Variants in SOX5 observed in about 807,000 individuals in gnomAD.
The protein encoded by SOX5 is SRY-box transcription factor 5, also known as transcription factor SOX-5.
In SOX5, 9 loss-of-function variants were observed where a neutral mutation model predicts 92.0. That is an observed-to-expected ratio of 0.10 (90% CI 0.06 to 0.17). SOX5 has a LOEUF of 0.17. Among genes scored for constraint, SOX5 ranks in the 10% least tolerant of loss-of-function variants. The probability of loss-of-function intolerance (pLI) is 1.00; values close to 1 mark genes in which losing one functional copy is unlikely to be tolerated. For missense variants in SOX5, 642 were observed against 944.5 expected, an observed-to-expected ratio of 0.68 and a Z score of 4.20; for synonymous variants, 344 against 336.3, an observed-to-expected ratio of 1.02 and a Z score of -0.25.
chr12:23,587,360 T>C (rs992291023), intron 9 of SOX5, among the ~76,000 whole-genome samples: 5 of 152,250 alleles, frequency 3.3e-5, no homozygotes, highest in African/African-American at 1.2e-4. Flanking sequence ...CTAACAGTCA[T>C]ACCTTAAAGA....
intron 4 of SOX5, among the ~76,000 whole-genome samples, chr12:23,990,742 C>T (rs1421760754): frequency 6.6e-6 from 1 of 152,020 alleles, no homozygotes; most frequent in African/African-American, 2.4e-5. Context: ...CAGACATTGT[C>T]TATTTCTTTA....
At chr12:24,142,816 G>A (rs12313152) in intron 4 of SOX5, among the ~76,000 whole-genome samples, 8 of 150,392 alleles carry the variant, frequency 5.3e-5, no homozygotes, top group Non-Finnish European at 1.0e-4. Flanking sequence ...GCTGAATCCC[G>A]GAAGACAGAG....
At chr12:24,498,859 G>A (rs1015127612) in intron 1 of SOX5, among the ~76,000 whole-genome samples, 4 of 152,136 alleles carry the variant, frequency 2.6e-5, no homozygotes, top group African/African-American at 4.8e-5. Context: ...CTGGCTCACT[G>A]TGCTGCAGGT....
chr12:24,027,704 T>C (rs553983109), intron 4 of SOX5, among the ~76,000 whole-genome samples: 8 of 151,930 alleles, frequency 5.3e-5, no homozygotes, highest in Admixed American at 3.9e-4. Flanking sequence ...GAAGACCAGA[T>C]GAAAAGTCAC....
At chr12:24,056,841 G>A (rs978271431) in intron 4 of SOX5, among the ~76,000 whole-genome samples, 7 of 148,790 alleles carry the variant, frequency 4.7e-5, no homozygotes, top group South Asian at 2.1e-4. Context: ...CGGGCGTAGT[G>A]GCGGGCGCCT....
chr12:24,175,338 T>C (rs1389343687), intron 4 of SOX5, among the ~76,000 whole-genome samples: 1 of 152,128 alleles, frequency 6.6e-6, no homozygotes, highest in Non-Finnish European at 1.5e-5. Context: ...AAAACAAAAA[T>C]AAAACTGGGA....
At chr12:24,194,278 G>A (rs1033587350) in intron 4 of SOX5, among the ~76,000 whole-genome samples, 2 of 152,024 alleles carry the variant, frequency 1.3e-5, no homozygotes, top group Non-Finnish European at 2.9e-5. Context: ...GGTGATGGAA[G>A]GTGGATAAAA....
chr12:24,494,142 C>T (rs959293844), intron 1 of SOX5, among the ~76,000 whole-genome samples: 70 of 152,154 alleles, frequency 4.6e-4, no homozygotes, highest in Non-Finnish European at 1.5e-4. Context: ...ATCACACTGA[C>T]GTGTAGAACA....
intron 9 of SOX5, among the ~76,000 whole-genome samples, chr12:23,580,097 A>C (rs926723601): frequency 6.6e-6 from 1 of 152,086 alleles, no homozygotes; most frequent in African/African-American, 2.4e-5. Context: ...AACTAGTAGA[A>C]GGCTATAATT....
At chr12:23,676,650 T>TGA (rs879444311) in intron 6 of SOX5, among the ~76,000 whole-genome samples, 1 of 152,178 alleles carries the variant, frequency 6.6e-6, no homozygotes, top group Non-Finnish European at 1.5e-5. Context: ...CACGACACAG[T>TGA]GACATTTGAA....
intron 4 of SOX5, among the ~76,000 whole-genome samples, chr12:23,975,231 A>G (rs1948769988): frequency 6.6e-6 from 1 of 152,138 alleles, no homozygotes; most frequent in South Asian, 2.1e-4. Flanking sequence ...AAAGAGCACC[A>G]CCTAAATCTT....
In SOX5 at chr12:24,336,259, A is replaced by G. The variant is rs1231340419; in HGVS notation, c.-174+32304T>C. ...ACAGGCGCCCGCCACCACGCCCAGT[A>G]ATTTTTTGTATTTTTAGTAGAGACG... On this transcript the variant is annotated intron_variant, in intron 2 of 4. Coordinates refer to the SOX5 transcript ENST00000446891. 4.0e-5 allele frequency among the ~76,000 whole-genome samples: 6 copies of G among 151,608 alleles called. No homozygotes were observed. The South Asian group carries it at 1.3e-3, about 32-fold the overall frequency.
chr12:24,337,294 C>T (rs1952018559), intron 2 of SOX5, among the ~76,000 whole-genome samples: 1 of 151,654 alleles, frequency 6.6e-6, no homozygotes, highest in African/African-American at 2.4e-5. Flanking sequence ...GTATCATTAA[C>T]ATCATAATCT....
chr12:24,554,531 A>G (rs975616576), intron 1 of SOX5, among the ~76,000 whole-genome samples: 1 of 152,138 alleles, frequency 6.6e-6, no homozygotes, highest in Non-Finnish European at 1.5e-5. Context: ...GGAATGTGTC[A>G]AAAATTAGCT....
chr12:24,470,741 C>T (rs988900732), intron 1 of SOX5, among the ~76,000 whole-genome samples: 1 of 152,120 alleles, frequency 6.6e-6, no homozygotes, highest in Non-Finnish European at 1.5e-5. Context: ...AATCTCACTC[C>T]CATTATTTAC....
chr12:23,657,033 C>T (rs1179610631), intron 7 of SOX5, among the ~76,000 whole-genome samples: 1 of 152,012 alleles, frequency 6.6e-6, no homozygotes, highest in African/African-American at 2.4e-5. Context: ...TGAGTATACT[C>T]TTTGAAAATA....
intron 6 of SOX5, among the ~76,000 whole-genome samples, chr12:23,681,629 C>T (rs1344153355): frequency 6.6e-6 from 1 of 151,684 alleles, no homozygotes; most frequent in Non-Finnish European, 1.5e-5. Context: ...GACTTTAACA[C>T]ACAAAGCATA....
intron 1 of SOX5, among the ~76,000 whole-genome samples, chr12:24,387,781 T>C (rs1182621222): frequency 6.6e-6 from 1 of 152,210 alleles, no homozygotes; most frequent in Non-Finnish European, 1.5e-5. Flanking sequence ...CTACATCTTC[T>C]TTGATGACAA....
At chr12:24,287,508 C>T (rs75366082) in intron 2 of SOX5, among the ~76,000 whole-genome samples, 18,983 of 151,244 alleles carry the variant, frequency 0.13, 1,512 homozygotes, top group Middle Eastern at 0.23. Flanking sequence ...GTCATGGCTA[C>T]TCAGCCCATG....
Sources: gnomAD v4.1 joint callset for allele counts (sites outside exome capture counted in the v4.1 genomes callset) on GRCh38, gnomAD v4.1.1 for gene constraint, MANE v1.5 for transcripts, NCBI Gene and HGNC (gene_info 2026-07-23, HGNC 2026-07-21) for gene names.